The following THEM4 variants were observed in gnomAD, a reference collection of about 807,000 sequenced individuals.
THEM4 encodes thioesterase superfamily member 4, also known as acyl-coenzyme A thioesterase THEM4.
In THEM4, 22 loss-of-function variants were observed where a neutral mutation model predicts 25.0. The ratio of observed to expected loss-of-function variants is 0.88; its 90% CI spans 0.63 to 1.26. The LOEUF (loss-of-function observed/expected upper bound fraction) is 1.26, where lower values mean the gene tolerates loss of function less well. Ranked by LOEUF, THEM4 falls within the 50% of genes most tolerant of loss-of-function variation. The probability of loss-of-function intolerance (pLI) is 0.00; values close to 1 mark genes in which losing one functional copy is unlikely to be tolerated. For synonymous variants in THEM4, 113 were observed against 105.6 expected, an observed-to-expected ratio of 1.07 and a Z score of -0.43; for missense variants, 286 against 300.3, an observed-to-expected ratio of 0.95 and a Z score of 0.35.
chr1:151,886,076 G>A (rs995820058), intron 4 of THEM4, among the ~76,000 whole-genome samples: 1 of 152,100 alleles, frequency 6.6e-6, no homozygotes, highest in Non-Finnish European at 1.5e-5. Context: ...CTTTATTCTG[G>A]TCTTTAGTCA....
At chr1:151,890,702 T>C (rs370722527) in intron 2 of THEM4, 2 of 152,382 alleles carry the variant, frequency 1.3e-5, no homozygotes, top group African/African-American at 2.4e-5. Flanking sequence ...ATTGATGGTT[T>C]AGAAGGACAG....
intron 1 of THEM4, among the ~76,000 whole-genome samples, chr1:151,908,606 A>C (rs560921420): frequency 6.6e-6 from 1 of 152,356 alleles, no homozygotes; most frequent in African/African-American, 2.4e-5. Flanking sequence ...AATTTTCTTA[A>C]GGAGTGCTCA....
intron 4 of THEM4, among the ~76,000 whole-genome samples, chr1:151,880,140 C>A (rs572154157): frequency 6.6e-6 from 1 of 152,002 alleles, no homozygotes; most frequent in African/African-American, 2.4e-5. Context: ...ATGTGCACCA[C>A]CTCACTTGGC....
At chr1:151,897,822 A>G (rs893729445) in intron 1 of THEM4, among the ~76,000 whole-genome samples, 1 of 152,232 alleles carries the variant, frequency 6.6e-6, no homozygotes, top group Admixed American at 6.5e-5. Flanking sequence ...ACACACCCCT[A>G]CTGGAGAAGC....
chr1:151,895,903 G>C lies in THEM4; in HGVS notation c.100-709C>G, dbSNP rs549667603. 2.7e-3 allele frequency among the ~76,000 whole-genome samples: 414 copies of C among 151,726 alleles called. 2 individuals carry two copies. The highest frequency in any genetic ancestry group is 9.8e-3 in the African/African-American group (404 of 41,338). On this transcript the variant is annotated intron_variant, in intron 1 of 5. Coordinates refer to ENST00000368814, the MANE Select transcript of THEM4 (RefSeq NM_053055.5). Reference sequence around the variant, plus strand: ...TGTTTAAAAGTGTATAGTACCTTGTGCCTTGCACTCTTGCTCTTGCTGTGT... The same window carrying C: ...TGTTTAAAAGTGTATAGTACCTTGTCCCTTGCACTCTTGCTCTTGCTGTGT...
chr1:151,881,025 T>C (rs1247677508), intron 4 of THEM4, among the ~76,000 whole-genome samples: 4 of 152,150 alleles, frequency 2.6e-5, no homozygotes, highest in Admixed American at 2.0e-4. Context: ...TCATTTTCTC[T>C]TATTTTAATC....
chr1:151,881,271 G>C (rs1295592497), intron 4 of THEM4, among the ~76,000 whole-genome samples: 1 of 152,142 alleles, frequency 6.6e-6, no homozygotes, highest in East Asian at 1.9e-4. Flanking sequence ...GGGCTCTAGC[G>C]ATCTTCTTGC....
rs1654401324 is a variant in THEM4 at position 151,903,737 on chromosome 1, A to G, written c.99+5623T>C. ...GGAGTTATGAATTTGAACTCATCTC[A>G]TTAGCCACTGGTCTCATCTTAAACA... is the stretch of plus-strand genomic sequence containing the variant. On this transcript the variant is annotated intron_variant, in intron 1 of 5. Coordinates refer to ENST00000368814, the MANE Select transcript of THEM4 (RefSeq NM_053055.5). Among the ~76,000 whole-genome samples, 3 of 152,242 alleles carry G rather than the reference A, an allele frequency of 2.0e-5. No individual in the cohort carries two copies. In the South Asian group the frequency reaches 6.2e-4, roughly 31 times the overall value.
chr1:151,875,220 T>TTA (rs1653646847), intron 5 of THEM4, among the ~76,000 whole-genome samples: 1 of 152,204 alleles, frequency 6.6e-6, no homozygotes, highest in South Asian at 2.1e-4. Context: ...TCTGGCACCT[T>TTA]TATGATATTG....
chr1:151,887,203 CG>C (rs1558190501), intron 4 of THEM4, among the ~76,000 whole-genome samples: 2 of 152,112 alleles, frequency 1.3e-5, no homozygotes, highest in Non-Finnish European at 2.9e-5. Context: ...CCAAGGCAGG[CG>C]GATCACTTGA....
intron 4 of THEM4, among the ~76,000 whole-genome samples, chr1:151,882,073 T>C (rs1653833222): frequency 6.6e-6 from 1 of 151,846 alleles, no homozygotes; most frequent in Non-Finnish European, 1.5e-5. Flanking sequence ...GATCTGAAAA[T>C]AATAATTAAA....
intron 5 of THEM4, among the ~76,000 whole-genome samples, 153 bp downstream of exon 5, chr1:151,876,848 A>T (rs1653690826): frequency 6.6e-6 from 1 of 152,008 alleles, no homozygotes. Context: ...ATTTTTTGGC[A>T]TGTATGGGTT....
intron 4 of THEM4, among the ~76,000 whole-genome samples, chr1:151,881,618 G>C (rs1042311824): frequency 1.3e-5 from 2 of 152,178 alleles, no homozygotes; most frequent in African/African-American, 4.8e-5. Flanking sequence ...TCTTTTGGCA[G>C]ATGTTTTATT....
At chr1:151,901,949 T>C (rs574206290) in intron 1 of THEM4, among the ~76,000 whole-genome samples, 6 of 152,282 alleles carry the variant, frequency 3.9e-5, no homozygotes, top group East Asian at 1.9e-4. Context: ...TCAGATTGAA[T>C]GACAATAATG....
chr1:151,907,332 G>A (rs1274510396), intron 1 of THEM4, among the ~76,000 whole-genome samples: 4 of 152,154 alleles, frequency 2.6e-5, no homozygotes, highest in East Asian at 3.9e-4. Context: ...ACGAGGGTCC[G>A]TGGCTTCTTT....
chr1:151,897,741 C>T (rs949619728), intron 1 of THEM4, among the ~76,000 whole-genome samples: 5 of 152,156 alleles, frequency 3.3e-5, no homozygotes, highest in South Asian at 2.1e-4. Context: ...CCTGCAGGAC[C>T]GGGAGACATC....
intron 1 of THEM4, among the ~76,000 whole-genome samples, chr1:151,902,949 C>G (rs1654382248): frequency 6.6e-6 from 1 of 152,166 alleles, no homozygotes; most frequent in Non-Finnish European, 1.5e-5. Context: ...GACTGCACCA[C>G]TGCACTCCAG....
At position 151,895,957 on chromosome 1, in the gene THEM4, C is replaced by T. The variant is rs112632607; in HGVS notation, c.100-763G>A. Among the ~76,000 whole-genome samples the T allele has an allele frequency of 7.4e-3, 1,117 of 150,124 alleles. 18 individuals carry two copies. The highest frequency in any genetic ancestry group is 0.026 in the African/African-American group (1,078 of 40,830). On this transcript the variant is annotated intron_variant, in intron 1 of 5. Coordinates refer to ENST00000368814, the MANE Select transcript of THEM4 (RefSeq NM_053055.5). ...TGTGAAGTGCCTGCTCCTGCTTTGCCTTCTGCCATGACTGTAAGTTTTCTT... is the reference window on the plus strand; with the variant it reads ...TGTGAAGTGCCTGCTCCTGCTTTGCTTTCTGCCATGACTGTAAGTTTTCTT...
rs1465504707 is a variant in THEM4 at position 151,873,743 on chromosome 1, GACAC to G, written c.*1141_*1144del. Reference sequence around the variant, plus strand: ...CTGCACAGAGGGAAGACACTGTGGAGACACACAGAGGGAATGCCATGTGAAGATG... The same window carrying G: ...CTGCACAGAGGGAAGACACTGTGGAGACAGAGGGAATGCCATGTGAAGATG... On this transcript the variant is annotated 3_prime_UTR_variant, in exon 6 of 6. Coordinates refer to ENST00000368814, the MANE Select transcript of THEM4 (RefSeq NM_053055.5). 6.6e-6 allele frequency: 1 copy of G among 152,226 alleles called. No homozygotes were observed. Among genetic ancestry groups the G allele is most frequent in the East Asian group, 1.9e-4 (1 of 5,194 alleles). The allele number at this position is 152,226 out of a possible 1,614,324, so 9.4% of individuals were successfully genotyped here.
Sources: allele counts gnomAD v4.1 joint callset (sites outside exome capture counted in the v4.1 genomes callset), GRCh38; gene constraint gnomAD v4.1.1; transcripts MANE v1.5; gene names NCBI Gene and HGNC (gene_info 2026-07-23, HGNC 2026-07-21).